The following BCL7A variants were observed in gnomAD, a reference collection of about 807,000 sequenced individuals.
BCL7A encodes the protein B-cell CLL/lymphoma 7 protein family member A.
Under a neutral mutation model 28.4 loss-of-function variants are expected in BCL7A, and 11 were observed. The ratio of observed to expected loss-of-function variants is 0.39; its 90% CI spans 0.24 to 0.64. The LOEUF (loss-of-function observed/expected upper bound fraction) is 0.64. Among genes scored for constraint, BCL7A ranks in the 30% least tolerant of loss-of-function variants. BCL7A has a pLI of 0.50. For missense variants in BCL7A, 222 were observed against 274.8 expected, an observed-to-expected ratio of 0.81 and a Z score of 1.36; for synonymous variants, 123 against 103.3, an observed-to-expected ratio of 1.19 and a Z score of -1.15.
At chr12:122,046,567 G>A (rs551523999) in intron 4 of BCL7A, among the ~76,000 whole-genome samples, 2 of 152,318 alleles carry the variant, frequency 1.3e-5, no homozygotes, top group East Asian at 1.9e-4. Context: ...ACACTGGAAC[G>A]AAGGACTCAT....
At chr12:122,036,967 G>A (rs544856762) in intron 3 of BCL7A, among the ~76,000 whole-genome samples, 1 of 152,292 alleles carries the variant, frequency 6.6e-6, no homozygotes, top group African/African-American at 2.4e-5. Context: ...GCCTCCCAAA[G>A]TGCTAGGATT....
At chr12:122,024,686 C>G (rs2135836618) in intron 1 of BCL7A, among the ~76,000 whole-genome samples, 1 of 152,238 alleles carries the variant, frequency 6.6e-6, no homozygotes, top group South Asian at 2.1e-4. Flanking sequence ...AAAAATACAG[C>G]ACACCCAGTT....
At chr12:122,023,226 T>A (rs2135834241) in intron 1 of BCL7A, among the ~76,000 whole-genome samples, 1 of 152,304 alleles carries the variant, frequency 6.6e-6, no homozygotes, top group Non-Finnish European at 1.5e-5. Context: ...AACTCCCCGC[T>A]GCCTGATTTC....
chr12:122,022,691 A>AG, intron 1 of BCL7A, among the ~76,000 whole-genome samples: 1 of 146,082 alleles, frequency 6.8e-6, no homozygotes, highest in Non-Finnish European at 1.5e-5. Context: ...GCCCTCCGCC[A>AG]GCCCCGGCCC....
At chr12:122,040,056 C>A (rs570163422) in intron 3 of BCL7A, among the ~76,000 whole-genome samples, 2 of 152,242 alleles carry the variant, frequency 1.3e-5, no homozygotes, top group East Asian at 3.9e-4. Context: ...ATGAAACCGT[C>A]ACAATGTGCC....
rs571448920 is a variant in BCL7A at position 122,042,498 on chromosome 12, T to C, written c.272-1388T>C. On this transcript the variant is annotated intron_variant, in intron 3 of 5. Coordinates refer to ENST00000261822, the MANE Select transcript of BCL7A (RefSeq NM_001024808.3). ...GGAGAAACCCGTCTCTACTAAAAAA[T>C]ACAAAACTCAGCCAGGTATGGTGGC... 7.9e-5 allele frequency among the ~76,000 whole-genome samples: 12 copies of C among 151,678 alleles called. No individual in the cohort carries two copies. The South Asian group carries it at 2.5e-3, about 32-fold the overall frequency.
chr12:122,032,771 T>C (rs1048723239), intron 2 of BCL7A, among the ~76,000 whole-genome samples: 6 of 152,200 alleles, frequency 3.9e-5, no homozygotes, highest in African/African-American at 1.4e-4. Context: ...CTTAGCACTG[T>C]GCCGGCTGTG....
chr12:122,058,396 C>T (rs1951893486), intron 5 of BCL7A, among the ~76,000 whole-genome samples: 1 of 151,978 alleles, frequency 6.6e-6, no homozygotes, highest in Non-Finnish European at 1.5e-5. Flanking sequence ...TGGTGGTGTG[C>T]ACCTGTAATC....
At position 122,038,431 on chromosome 12, in the gene BCL7A, C is replaced by CACAAAAAAAA. The variant is rs1883900095; in HGVS notation, c.271+3005_271+3006insCAAAAAAAAA. On this transcript the variant is annotated intron_variant, in intron 3 of 5. Transcript: ENST00000261822. Reference sequence around the variant, plus strand: ...TGGGCAAAGGAGCGAGACTCTGCCTCAAAAAAAAAAAAAAAAAAAAAAAAA... The same window carrying CACAAAAAAAA: ...TGGGCAAAGGAGCGAGACTCTGCCTCACAAAAAAAAAAAAAAAAAAAAAAAAAAAAAAAAA... Among the ~76,000 whole-genome samples the CACAAAAAAAA allele has an allele frequency of 4.5e-4, 15 of 33,558 alleles. 3 individuals carry two copies. Among genetic ancestry groups the CACAAAAAAAA allele is most frequent in the African/African-American group, 1.0e-3 (14 of 13,524 alleles). 22.0% of individuals were successfully genotyped at this position (33,558 alleles called of 152,430 possible). A position where few individuals can be genotyped will look rare whatever the true frequency, so the allele number is the denominator to read the frequency against.
At chr12:122,023,285 G>A (rs1883518251) in intron 1 of BCL7A, among the ~76,000 whole-genome samples, 2 of 152,214 alleles carry the variant, frequency 1.3e-5, no homozygotes, top group Admixed American at 6.5e-5. Context: ...CGGAGGGAGA[G>A]GAGCCGCCGC....
chr12:122,058,366 T>C (rs1165700711), intron 5 of BCL7A, among the ~76,000 whole-genome samples: 1 of 146,948 alleles, frequency 6.8e-6, no homozygotes, highest in African/African-American at 2.6e-5. Flanking sequence ...CTACCAAAAA[T>C]ACAAAAAATT....
intron 3 of BCL7A, 110 bp from the exon 4 acceptor site, chr12:122,043,776 G>T: frequency 8.7e-7 from 1 of 1,145,474 alleles, no homozygotes; most frequent in Non-Finnish European, 1.2e-6. Flanking sequence ...CCCCGGGAGA[G>T]CTGCCATGGG....
In BCL7A at chr12:122,059,265, C is replaced by A; in HGVS notation, c.*102C>A. ...CGATTCCTCTTGGGTGCGAACAGAA[C>A]TACTAACGTTTCAAGTTTACCAAGT... On this transcript the variant is annotated 3_prime_UTR_variant, in exon 6 of 6. Coordinates refer to ENST00000261822, the MANE Select transcript of BCL7A (RefSeq NM_001024808.3). The surrounding 1 kb of genome is among the most constrained non-coding windows in gnomAD (Gnocchi z 4.0). 1.8e-6 allele frequency: 2 copies of A among 1,088,508 alleles called. No homozygotes were observed. Among genetic ancestry groups the A allele is most frequent in the Non-Finnish European group, 1.4e-6 (1 of 734,028 alleles). The allele number at this position is 1,088,508 out of a possible 1,614,324, so 67.4% of individuals were successfully genotyped here. A position where few individuals can be genotyped will look rare whatever the true frequency, so the allele number is the denominator to read the frequency against.
chr12:122,058,846 A>G (rs1951896127), intron 5 of BCL7A, among the ~76,000 whole-genome samples: 1 of 152,174 alleles, frequency 6.6e-6, no homozygotes, highest in South Asian at 2.1e-4. Flanking sequence ...TTGGCATGTG[A>G]TAGGGTCAGG....
intron 2 of BCL7A, among the ~76,000 whole-genome samples, chr12:122,034,534 G>C (rs551681719): frequency 6.6e-6 from 1 of 151,258 alleles, no homozygotes; most frequent in South Asian, 2.1e-4. Flanking sequence ...AGGAGTTCGA[G>C]ACCAGCCTGG....
At chr12:122,046,387 C>T (rs928982686) in intron 4 of BCL7A, among the ~76,000 whole-genome samples, 7 of 152,120 alleles carry the variant, frequency 4.6e-5, no homozygotes, top group Non-Finnish European at 8.8e-5. Flanking sequence ...GGGCTCAGGG[C>T]GTGTGTGTCC....
intron 3 of BCL7A, 26 bp from the exon 4 acceptor site, chr12:122,043,860 T>C: frequency 6.3e-7 from 1 of 1,583,010 alleles, no homozygotes; most frequent in Non-Finnish European, 8.6e-7. Context: ...GATTTCATCC[T>C]GTGGTTCTGT....
At position 122,022,013 on chromosome 12, in the gene BCL7A, G is replaced by T; in HGVS notation, c.-79G>T. On this transcript the variant is annotated 5_prime_UTR_variant, in exon 1 of 6. Transcript: ENST00000261822. The stretch of plus-strand genomic sequence containing the variant: ...GTGCGCGAGTGAGTGAGCGGCGGGC[G>T]GGCGCGAGTGTGGCCGCCGCGGAGC... 2 of 1,263,292 alleles carry T rather than the reference G, an allele frequency of 1.6e-6. No homozygotes were observed. The highest frequency in any genetic ancestry group is 2.2e-6 in the Non-Finnish European group (2 of 913,768). 78.3% of individuals were successfully genotyped at this position (1,263,292 alleles called of 1,614,324 possible). A position where few individuals can be genotyped will look rare whatever the true frequency, so the allele number is the denominator to read the frequency against.
In BCL7A at chr12:122,060,842, A is replaced by T; in HGVS notation, c.*1679A>T. 1 of 229,948 alleles carries T rather than the reference A, an allele frequency of 4.3e-6. No individual in the cohort carries two copies. The highest frequency in any genetic ancestry group is 6.2e-5 in the East Asian group (1 of 16,122). The allele number at this position is 229,948 out of a possible 1,614,324, so 14.2% of individuals were successfully genotyped here. ...ATTTCCTGCACTTCGAGAAGAATCA[A>T]AATGTTCCTGAATTTCAAATACCTC... On this transcript the variant is annotated 3_prime_UTR_variant, in exon 6 of 6. Coordinates refer to ENST00000261822, the MANE Select transcript of BCL7A (RefSeq NM_001024808.3).
Sources: gnomAD v4.1 joint callset for allele counts (sites outside exome capture counted in the v4.1 genomes callset) on GRCh38, gnomAD v4.1.1 for gene constraint, Gnocchi (gnomAD v3.1) non-coding constraint, MANE v1.5 for transcripts, NCBI Gene and HGNC (gene_info 2026-07-23, HGNC 2026-07-21) for gene names.